Variants in MITF observed in about 807,000 individuals in gnomAD.
MITF encodes the protein microphthalmia-associated transcription factor.
Under a neutral mutation model 60.5 loss-of-function variants are expected in MITF, and 17 were observed. That is an observed-to-expected ratio of 0.28 (90% CI 0.19 to 0.42). The LOEUF (loss-of-function observed/expected upper bound fraction) is 0.42, where lower values mean the gene tolerates loss of function less well. Ranked by LOEUF, MITF falls within the 10% of genes least tolerant of loss-of-function variation. MITF has a pLI of 1.00. For missense variants in MITF, 622 were observed against 683.5 expected, an observed-to-expected ratio of 0.91 and a Z score of 1.00; for synonymous variants, 260 against 248.5, an observed-to-expected ratio of 1.05 and a Z score of -0.43.
At chr3:69,753,816 C>G (rs568912145) in intron 1 of MITF, among the ~76,000 whole-genome samples, 31 of 152,230 alleles carry the variant, frequency 2.0e-4, no homozygotes, top group Non-Finnish European at 3.7e-4. Flanking sequence ...CCTATACCCC[C>G]ATTGTATCTT....
At chr3:69,767,869 T>C (rs2062325369) in intron 1 of MITF, among the ~76,000 whole-genome samples, 1 of 152,146 alleles carries the variant, frequency 6.6e-6, no homozygotes. Flanking sequence ...TGAGGAACGA[T>C]GATACACATG....
chr3:69,898,577 G>C (rs2064928491), intron 2 of MITF, among the ~76,000 whole-genome samples: 1 of 152,232 alleles, frequency 6.6e-6, no homozygotes, highest in Non-Finnish European at 1.5e-5. Flanking sequence ...GAACATGCCA[G>C]TAGGACAGAG....
At chr3:69,942,558 C>G (rs992243133) in intron 5 of MITF, among the ~76,000 whole-genome samples, 1 of 151,978 alleles carries the variant, frequency 6.6e-6, no homozygotes, top group African/African-American at 2.4e-5. Flanking sequence ...CCTCAAGCTT[C>G]TTTTATGATA....
intron 1 of MITF, among the ~76,000 whole-genome samples, chr3:69,796,192 G>T (rs1158968328): frequency 6.6e-6 from 1 of 152,124 alleles, no homozygotes; most frequent in Non-Finnish European, 1.5e-5. Context: ...TGTTGGCCAG[G>T]CTGGTCTTGA....
At chr3:69,808,038 TG>T (rs1666363506) in intron 1 of MITF, among the ~76,000 whole-genome samples, 2 of 149,166 alleles carry the variant, frequency 1.3e-5, no homozygotes. Flanking sequence ...ATGGGAGCAT[TG>T]CTCAGAAAAT....
At chr3:69,795,830 G>A (rs534113508) in intron 1 of MITF, among the ~76,000 whole-genome samples, 8 of 152,068 alleles carry the variant, frequency 5.3e-5, no homozygotes, top group South Asian at 2.1e-4. Context: ...TCAAAGGCAC[G>A]TATTTAAAAA....
intron 2 of MITF, among the ~76,000 whole-genome samples, chr3:69,886,856 A>G (rs976099057): frequency 1.3e-5 from 2 of 152,144 alleles, no homozygotes; most frequent in Admixed American, 6.6e-5. Flanking sequence ...TCCAAAAATC[A>G]TAACTCAAGT....
chr3:69,855,758 A>C (rs1165687887), intron 1 of MITF, among the ~76,000 whole-genome samples: 3 of 152,212 alleles, frequency 2.0e-5, no homozygotes, highest in African/African-American at 7.2e-5. Context: ...GTTCCAGGAG[A>C]TAACACAGGC....
intron 2 of MITF, among the ~76,000 whole-genome samples, chr3:69,883,307 A>C (rs2064530998): frequency 6.6e-6 from 1 of 152,078 alleles, no homozygotes; most frequent in African/African-American, 2.4e-5. Context: ...TTGTAAACTA[A>C]ATTTACGTGG....
intron 2 of MITF, among the ~76,000 whole-genome samples, chr3:69,931,600 C>T (rs909061732): frequency 1.3e-5 from 2 of 152,114 alleles, no homozygotes; most frequent in African/African-American, 2.4e-5. Context: ...TTATCCTTTT[C>T]TTTTATACAT....
chr3:69,911,833 G>A (rs1009893192), intron 2 of MITF, among the ~76,000 whole-genome samples: 3 of 152,312 alleles, frequency 2.0e-5, no homozygotes, highest in South Asian at 2.1e-4. Context: ...AGCAAAGATG[G>A]TACAAATACC....
intron 1 of MITF, among the ~76,000 whole-genome samples, chr3:69,871,360 A>G (rs966761955): frequency 1.3e-5 from 2 of 152,200 alleles, no homozygotes; most frequent in Admixed American, 1.3e-4. Context: ...GGATTTCCTG[A>G]TTGGCCAGGG....
chr3:69,936,526 T>A (rs1464774744), intron 2 of MITF: 1 of 1,318,936 alleles, frequency 7.6e-7, no homozygotes, highest in Non-Finnish European at 9.8e-7. Context: ...ATGTGAACGT[T>A]TTTTTTTACA....
intron 1 of MITF, among the ~76,000 whole-genome samples, chr3:69,751,345 A>T (rs1304546715): frequency 6.6e-6 from 1 of 152,172 alleles, no homozygotes; most frequent in East Asian, 1.9e-4. Context: ...TTTGTCACAA[A>T]TGAGGATGTC....
intron 1 of MITF, among the ~76,000 whole-genome samples, chr3:69,827,166 C>T (rs1056312634): frequency 6.6e-6 from 1 of 152,196 alleles, no homozygotes; most frequent in Non-Finnish European, 1.5e-5. Context: ...CATCTTTCTC[C>T]AGTACCACCA....
chr3:69,870,277 CACACGT>C (rs1200694428), intron 1 of MITF, among the ~76,000 whole-genome samples: 37 of 148,918 alleles, frequency 2.5e-4, no homozygotes, highest in African/African-American at 8.9e-4. Flanking sequence ...CACACACACA[CACACGT>C]GTGTGTGTTT....
intron 1 of MITF, among the ~76,000 whole-genome samples, chr3:69,863,998 G>T: frequency 6.6e-6 from 1 of 151,676 alleles, no homozygotes; most frequent in African/African-American, 2.4e-5. Context: ...TCTCTAGATT[G>T]GTCAATATTA....
At chr3:69,851,126 C>T (rs2063816734) in intron 1 of MITF, among the ~76,000 whole-genome samples, 1 of 152,168 alleles carries the variant, frequency 6.6e-6, no homozygotes, top group Non-Finnish European at 1.5e-5. Flanking sequence ...TGGAAAGGTG[C>T]TTTGGTTGGA....
At chr3:69,932,048 C>T (rs762377408) in intron 2 of MITF, among the ~76,000 whole-genome samples, 1 of 152,220 alleles carries the variant, frequency 6.6e-6, no homozygotes. Flanking sequence ...ATTACGTATA[C>T]ATATACTATT....
Sources: gnomAD v4.1 joint callset for allele counts (sites outside exome capture counted in the v4.1 genomes callset) on GRCh38, gnomAD v4.1.1 for gene constraint, MANE v1.5 for transcripts, NCBI Gene and HGNC (gene_info 2026-07-23, HGNC 2026-07-21) for gene names.